TUBA1C: variants seen among roughly 807,000 people sequenced by gnomAD.
The protein encoded by TUBA1C is tubulin alpha 1c.
Under a neutral mutation model 34.9 loss-of-function variants are expected in TUBA1C, and 16 were observed. That is an observed-to-expected ratio of 0.46 (90% CI 0.31 to 0.70). The LOEUF is 0.70. TUBA1C is among the 30% of genes least tolerant of loss of function. The pLI is 0.05. For synonymous variants in TUBA1C, 177 were observed against 215.9 expected, an observed-to-expected ratio of 0.82 and a Z score of 1.58; for missense variants, 329 against 587.3, an observed-to-expected ratio of 0.56 and a Z score of 4.55.
At chr12:49,255,020 A>G (rs1942769413) in intron 1 of TUBA1C, among the ~76,000 whole-genome samples, 1 of 151,874 alleles carries the variant, frequency 6.6e-6, no homozygotes. Flanking sequence ...CCTGAGCTCA[A>G]GTGATCCTAC....
upstream of TUBA1C, among the ~76,000 whole-genome samples, chr12:49,261,550 T>C (rs867987354): frequency 6.6e-5 from 10 of 152,336 alleles, no homozygotes; most frequent in Middle Eastern, 6.8e-3. Flanking sequence ...TAAATACCTT[T>C]GTAAAAACTC....
intron 1 of TUBA1C, chr12:49,234,194 C>G (rs760458782): frequency 6.6e-6 from 1 of 152,260 alleles, no homozygotes. Context: ...CACCTTGAAA[C>G]GCAACCCCTA....
At chr12:49,238,811 A>G (rs1942583820) in intron 1 of TUBA1C, among the ~76,000 whole-genome samples, 1 of 151,980 alleles carries the variant, frequency 6.6e-6, no homozygotes. Context: ...AACCAGATAG[A>G]GAGATGCATA....
intron 3 of TUBA1C, among the ~76,000 whole-genome samples, chr12:49,271,231 A>G (rs1942988499): frequency 6.6e-6 from 1 of 152,200 alleles, no homozygotes; most frequent in African/African-American, 2.4e-5. Flanking sequence ...CACAGGCTAT[A>G]AGGGAGCTGA....
intron 1 of TUBA1C, among the ~76,000 whole-genome samples, chr12:49,248,523 G>T (rs1374799973): frequency 6.6e-6 from 1 of 150,638 alleles, no homozygotes; most frequent in Admixed American, 6.6e-5. Flanking sequence ...AGCTGAGACC[G>T]GGTTGTTGCC....
intron 1 of TUBA1C, among the ~76,000 whole-genome samples, chr12:49,259,929 T>C (rs1020260364): frequency 1.2e-4 from 19 of 152,300 alleles, no homozygotes; most frequent in African/African-American, 4.1e-4. Context: ...TCACAGTCCC[T>C]AAGCAAATTC....
chr12:49,232,138 A>T (rs985569861), intron 1 of TUBA1C, among the ~76,000 whole-genome samples: 8 of 152,208 alleles, frequency 5.3e-5, no homozygotes, highest in Admixed American at 2.0e-4. Context: ...TGTTCTGGAC[A>T]CAACAGGAGT....
intron 1 of TUBA1C, among the ~76,000 whole-genome samples, chr12:49,235,627 C>T (rs1942546468): frequency 1.3e-5 from 2 of 150,878 alleles, no homozygotes; most frequent in Admixed American, 1.3e-4. Context: ...TCCAGCTACT[C>T]GGGAGGCTGA....
intron 3 of TUBA1C, among the ~76,000 whole-genome samples, chr12:49,270,657 G>A (rs1942978545): frequency 6.6e-6 from 1 of 152,162 alleles, no homozygotes; most frequent in Non-Finnish European, 1.5e-5. Flanking sequence ...AGTCTTCCCA[G>A]CAAAACTGGA....
chr12:49,269,784 C>T, intron 2 of TUBA1C, 44 bp from the exon 3 acceptor site: 1 of 1,613,898 alleles, frequency 6.2e-7, no homozygotes. Flanking sequence ...ACTCTCCCTC[C>T]CCGCTCCTTG....
chr12:49,242,471 G>C (rs1232588547), intron 1 of TUBA1C, among the ~76,000 whole-genome samples: 1 of 151,722 alleles, frequency 6.6e-6, no homozygotes, highest in African/African-American at 2.4e-5. Context: ...GTGTGTTTTT[G>C]TTTTGTTTTG....
At chr12:49,267,296 G>T (rs1942927461) in intron 1 of TUBA1C, among the ~76,000 whole-genome samples, 1 of 152,206 alleles carries the variant, frequency 6.6e-6, no homozygotes, top group Non-Finnish European at 1.5e-5. Flanking sequence ...TGGGCCTGGG[G>T]GCCATCATGA....
intron 3 of TUBA1C, 100 bp from the exon 4 acceptor site, chr12:49,272,153 G>A: frequency 6.6e-7 from 1 of 1,517,476 alleles, no homozygotes; most frequent in Non-Finnish European, 8.8e-7. Flanking sequence ...ATTGCAATTG[G>A]AGTAGCCATA....
chr12:49,247,831 C>G (rs372450398), intron 1 of TUBA1C, among the ~76,000 whole-genome samples: 272 of 145,764 alleles, frequency 1.9e-3, no homozygotes, highest in African/African-American at 6.7e-3. Context: ...ACCTGTAATC[C>G]CAGCTACTCA....
chr12:49,238,215 T>G lies in TUBA1C; in HGVS notation c.213+10049T>G, dbSNP rs557494108. 8.0e-4 allele frequency among the ~76,000 whole-genome samples: 122 copies of G among 152,288 alleles called. 1 individual carries two copies. The highest frequency in any genetic ancestry group is 2.8e-3 in the African/African-American group (118 of 41,560). ...GAACTGTGACTAGAATAGGAAATAC[T>G]GATGGCTAGTGCCACATCTATTGTA... On this transcript the variant is annotated intron_variant, in intron 1 of 3. Coordinates refer to the TUBA1C transcript ENST00000541364.
intron 1 of TUBA1C, chr12:49,256,321 G>A: frequency 4.9e-6 from 2 of 407,830 alleles, no homozygotes; most frequent in South Asian, 3.4e-5. Flanking sequence ...GCAGAGTAAA[G>A]AGAAAGAACA....
chr12:49,265,141 T>C lies in TUBA1C; in HGVS notation c.-41T>C. 6.3e-7 allele frequency: 1 copy of C among 1,597,186 alleles called. No homozygotes were observed. The highest frequency in any genetic ancestry group is 1.3e-5 in the African/African-American group (1 of 74,754). On this transcript the variant is annotated 5_prime_UTR_variant, in exon 1 of 4. Transcript: ENST00000301072. ...AGTGGGAGATCCTTGTTGCCGTCCC[T>C]TCGCCTCCTTCACCGCCGCAGACCC... is the stretch of plus-strand genomic sequence containing the variant.
chr12:49,238,074 A>G (rs1942575546), intron 1 of TUBA1C, among the ~76,000 whole-genome samples: 1 of 150,590 alleles, frequency 6.6e-6, no homozygotes, highest in South Asian at 2.1e-4. Flanking sequence ...GTTCCACTGC[A>G]CTCCAGCCTG....
In TUBA1C at chr12:49,253,874, T is replaced by G. The variant is rs192145193; in HGVS notation, c.214-15591T>G. Among the ~76,000 whole-genome samples, 293 of 152,052 alleles carry G rather than the reference T, an allele frequency of 1.9e-3. 1 individual carries two copies. The highest frequency in any genetic ancestry group is 0.017 in the Middle Eastern group (5 of 294). ...CCCAATTTGTCTAAACAAAAGAAAG[T>G]GAAGGGTCAAGAAAAAGGGTTAAAT... On this transcript the variant is annotated intron_variant, in intron 1 of 3. Transcript: ENST00000541364.
Sources: gnomAD v4.1 joint callset for allele counts (sites outside exome capture counted in the v4.1 genomes callset) on GRCh38, gnomAD v4.1.1 for gene constraint, MANE v1.5 for transcripts, NCBI Gene and HGNC (gene_info 2026-07-23, HGNC 2026-07-21) for gene names.